TARM1: variants seen among roughly 807,000 people sequenced by gnomAD.
The protein encoded by TARM1 is T cell-interacting, activating receptor on myeloid cells 1.
TARM1 carries 24 observed loss-of-function variants against 30.4 expected under a neutral mutation model. The observed-to-expected ratio is 0.79, with a 90% CI of 0.57 to 1.11. The LOEUF (loss-of-function observed/expected upper bound fraction) is 1.11, where lower values mean the gene tolerates loss of function less well. Ranked by LOEUF, TARM1 falls within the 50% of genes least tolerant of loss-of-function variation. The probability of loss-of-function intolerance (pLI) is 0.00; values close to 1 mark genes in which losing one functional copy is unlikely to be tolerated. For missense variants in TARM1, 323 were observed against 332.8 expected (o/e 0.97, Z 0.23); for synonymous variants, 129 against 138.9 (o/e 0.93, Z 0.50).
intron 1 of TARM1, 145 bp downstream of exon 1, chr19:54,081,162 G>T: frequency 1.4e-6 from 1 of 728,750 alleles, no homozygotes; most frequent in Non-Finnish European, 2.3e-6. Context: ...TCCAGGGAAT[G>T]TCTGCAGTGC....
In TARM1 at chr19:54,076,262, TTTCTTTCTTTCATTCA is replaced by T. The variant is rs1568506290; in HGVS notation, c.35-360_35-345del. 9.5e-6 allele frequency: 14 copies of T among 1,476,270 alleles called. No individual in the cohort carries two copies. The East Asian group carries it at 1.3e-4, about 13-fold the overall frequency. The allele number at this position is 1,476,270 out of a possible 1,614,324, so 91.4% of individuals were successfully genotyped here. A position where few individuals can be genotyped will look rare whatever the true frequency, so the allele number is the denominator to read the frequency against. The stretch of plus-strand genomic sequence containing the variant: ...TTTTCTTTCCTTTCTTTCTTTCTTT[TTTCTTTCTTTCATTCA>T]TTCTTTCTTTCATTCATTCCAGAGA... On this transcript the variant is annotated intron_variant, in intron 1 of 4. Transcript: ENST00000432826.
At chr19:54,076,038 C>T (rs1269926890) in intron 1 of TARM1, 120 bp from the exon 2 acceptor site, 1 of 1,434,396 alleles carries the variant, frequency 7.0e-7, no homozygotes, top group Middle Eastern at 1.8e-4. Context: ...AGGTCATACG[C>T]TCAGGAGTTC....
intron 4 of TARM1, among the ~76,000 whole-genome samples, chr19:54,073,262 T>C (rs1398378457): frequency 6.6e-6 from 1 of 151,062 alleles, no homozygotes; most frequent in African/African-American, 2.4e-5. Flanking sequence ...ATAGAAAAAT[T>C]AGCCGGATGG....
rs1181529845 is a variant in TARM1, at chr19:54,070,177, G to A, written c.659-17C>T. On this transcript the variant is annotated splice_polypyrimidine_tract_variant and intron_variant, in intron 4 of 4. Transcript: ENST00000432826. ...CTGGGGGAACTGAAAGAGAGAAGGG[G>A]CTCAGCACTGACCCTCAGAGGGTAT... 6.5e-7 allele frequency: 1 copy of A among 1,550,276 alleles called. No homozygotes were observed. The highest frequency in any genetic ancestry group is 1.2e-5 in the South Asian group (1 of 83,918).
At chr19:54,072,387 A>G (rs1410896896) in intron 4 of TARM1, among the ~76,000 whole-genome samples, 11 of 152,216 alleles carry the variant, frequency 7.2e-5, no homozygotes, top group African/African-American at 2.7e-4. Context: ...GCTAGCACCC[A>G]GTAAGGCAGG....
intron 1 of TARM1, among the ~76,000 whole-genome samples, chr19:54,077,285 G>A (rs1436344414): frequency 6.6e-6 from 1 of 151,908 alleles, no homozygotes; most frequent in African/African-American, 2.4e-5. Flanking sequence ...GGAGGCTGAG[G>A]CAGAGAATCG....
chr19:54,080,122 AGGAAGGAAGGAAGG>A (rs1407982285), intron 1 of TARM1, among the ~76,000 whole-genome samples: 1 of 44,718 alleles, frequency 2.2e-5, no homozygotes, highest in Non-Finnish European at 4.9e-5. Context: ...GAAGGAAGGA[AGGAAGGAAGGAAGG>A]AAGAAAGCAA....
chr19:54,078,377 A>ATATT (rs1159582293), intron 1 of TARM1, among the ~76,000 whole-genome samples: 1 of 146,166 alleles, frequency 6.8e-6, no homozygotes, highest in Non-Finnish European at 1.5e-5. Context: ...GTTGTTTTTA[A>ATATT]TATTTATTTA....
intron 1 of TARM1, among the ~76,000 whole-genome samples, chr19:54,078,448 G>A (rs2072015626): frequency 6.6e-6 from 1 of 151,124 alleles, no homozygotes; most frequent in Non-Finnish European, 1.5e-5. Flanking sequence ...GCATGATCTC[G>A]GCTCACTGCA....
chr19:54,069,979 A>G lies in TARM1; in HGVS notation c.*24T>C. 6.5e-7 allele frequency: 1 copy of G among 1,539,544 alleles called. No individual in the cohort carries two copies. Among genetic ancestry groups the G allele is most frequent in the Non-Finnish European group, 8.8e-7 (1 of 1,137,326 alleles). ...GTCCAGCAGGTTGCAGCCTCAGTTT[A>G]CCCAGCCCCGGTTCAAGATGGAGTC... On this transcript the variant is annotated 3_prime_UTR_variant, in exon 5 of 5. Transcript: ENST00000432826.
chr19:54,077,774 T>G (rs2071995356), intron 1 of TARM1, among the ~76,000 whole-genome samples: 1 of 148,524 alleles, frequency 6.7e-6, no homozygotes. Flanking sequence ...CATAGTTTCA[T>G]TCTTGTTGCC....
chr19:54,080,002 C>CA (rs1392127727), intron 1 of TARM1, among the ~76,000 whole-genome samples: 2 of 52,632 alleles, frequency 3.8e-5, no homozygotes, highest in Admixed American at 2.3e-4. Context: ...GACTTTGTCT[C>CA]AAAAAAAGGA....
chr19:54,079,624 G>T (rs1184428919), intron 1 of TARM1, among the ~76,000 whole-genome samples: 3 of 152,288 alleles, frequency 2.0e-5, no homozygotes, highest in African/African-American at 7.2e-5. Flanking sequence ...GGCCAAGGCA[G>T]AAGGGCTGCT....
In TARM1 at chr19:54,074,195, A is replaced by G; in HGVS notation, c.383T>C (p.Leu128Pro). 1 of 1,551,510 alleles carries G rather than the reference A, an allele frequency of 6.4e-7. No homozygotes were observed. The highest frequency in any genetic ancestry group is 8.7e-7 in the Non-Finnish European group (1 of 1,146,902). Residue 128 changes from leucine to proline, a missense_variant, in exon 4 of 5, where the codon CTC (leucine) becomes CCC (proline). By Grantham distance (98) the Leu-to-Pro change is moderately conservative. Coordinates refer to ENST00000432826, the MANE Select transcript of TARM1 (RefSeq NM_001135686.3). ...LVTGHLSKPF[L>P]RTYQRGTVTA... is the part of the protein sequence containing the mutation. ...CACTGTACCCCTTTGGTAGGTTCGGAGGAAAGGTTTAGATAAATGTCCTGT... is the reference window on the plus strand; with the variant it reads ...CACTGTACCCCTTTGGTAGGTTCGGGGGAAAGGTTTAGATAAATGTCCTGT...
intron 1 of TARM1, among the ~76,000 whole-genome samples, chr19:54,077,810 T>C (rs1177286545): frequency 1.4e-5 from 2 of 145,850 alleles, no homozygotes; most frequent in African/African-American, 5.0e-5. Flanking sequence ...TGGCGCGATC[T>C]CGGCTCACTG....
intron 1 of TARM1, among the ~76,000 whole-genome samples, chr19:54,079,866 G>A (rs1172202462): frequency 1.3e-5 from 2 of 151,538 alleles, no homozygotes; most frequent in African/African-American, 4.8e-5. Context: ...TCAGCCGGGT[G>A]TGTGGTGGGC....
At position 54,074,014 on chromosome 19, in the gene TARM1, G is replaced by A. The variant is rs138729841; in HGVS notation, c.564C>T (p.Ala188=). The A allele has an allele frequency of 1.4e-3, 2,244 of 1,551,616 alleles. 27 individuals are homozygous for A. In the African/African-American group the frequency reaches 0.028, roughly 19 times the overall value. Reference sequence around the variant, plus strand: ...TGCAGCTGTAGTTCCCAGCATCGCCGGCTGTCACGTCCACCAGAGAGAAGT... The same window carrying A: ...TGCAGCTGTAGTTCCCAGCATCGCCAGCTGTCACGTCCACCAGAGAGAAGT... ...EIDFSLVDVT[A]GDAGNYSCMY... The change falls in exon 4 of 5, where the codon GCC becomes GCT. Residue 188 remains alanine, a synonymous_variant. Coordinates refer to ENST00000432826, the MANE Select transcript of TARM1 (RefSeq NM_001135686.3).
chr19:54,072,656 T>C (rs767125447), intron 4 of TARM1, among the ~76,000 whole-genome samples: 1 of 151,960 alleles, frequency 6.6e-6, no homozygotes, highest in Non-Finnish European at 1.5e-5. Context: ...GAAAGAATTA[T>C]TGAGAGTGAA....
intron 4 of TARM1, among the ~76,000 whole-genome samples, chr19:54,070,812 A>G (rs1453974286): frequency 1.5e-4 from 22 of 151,396 alleles, no homozygotes; most frequent in African/African-American, 5.3e-4. Context: ...GGGTTTCTCC[A>G]TGTTGGTCAG....
Sources: gnomAD v4.1 joint callset for allele counts (sites outside exome capture counted in the v4.1 genomes callset) on GRCh38, gnomAD v4.1.1 for gene constraint, MANE v1.5 for transcripts, NCBI Gene and HGNC (gene_info 2026-07-23, HGNC 2026-07-21) for gene names.